The following ZNF684 variants were observed in gnomAD, a reference collection of about 807,000 sequenced individuals.
ZNF684 encodes zinc finger protein 684.
ZNF684 carries 13 observed loss-of-function variants against 12.8 expected under a neutral mutation model. That is an observed-to-expected ratio of 1.02 (90% CI 0.66 to 1.62). ZNF684 has a LOEUF of 1.62. ZNF684 is among the 40% of genes most tolerant of loss of function. ZNF684 has a pLI of 0.00. For missense variants in ZNF684, 384 were observed against 446.9 expected, an observed-to-expected ratio of 0.86 and a Z score of 1.27; for synonymous variants, 118 against 151.8, an observed-to-expected ratio of 0.78 and a Z score of 1.64.
In ZNF684 at chr1:40,541,701, A is replaced by C. The variant is rs537244694; in HGVS notation, c.229A>C (p.Ser77Arg). 6.2e-7 allele frequency: 1 copy of C among 1,612,708 alleles called. No individual in the cohort carries two copies. The highest frequency in any genetic ancestry group is 1.1e-5 in the South Asian group (1 of 90,978). Residue 77 changes from serine (S) to arginine (R), a missense_variant, in exon 4 of 5, where the codon AGC becomes CGC. Physicochemically the swap from Ser to Arg is moderately radical, Grantham distance 110. Transcript: ENST00000372699. ...WMVEGANPHE[S>R]SPESDYPLVD... ...GGTGGAGGGAGCGAATCCACACGAG[A>C]GCTCTCCAGGTGAGTGAGAGAAATT...
rs1382962097 is a variant in ZNF684, at chr1:40,541,612, C to T, written c.143-3C>T. The T allele has an allele frequency of 1.4e-5, 23 of 1,612,200 alleles. No individual in the cohort carries two copies. The highest frequency in any genetic ancestry group is 2.0e-5 in the Non-Finnish European group (23 of 1,178,842). The stretch of plus-strand genomic sequence containing the variant: ...CACTTCTATGCTGTTTTCCCACCAA[C>T]AGGATGTCCAATTACCAAAACAAAA... On this transcript the variant is annotated splice_region_variant and splice_polypyrimidine_tract_variant and intron_variant, in intron 3 of 4. Transcript: ENST00000372699.
At chr1:40,539,667 G>A (rs1646004224) in intron 2 of ZNF684, among the ~76,000 whole-genome samples, 1 of 152,044 alleles carries the variant, frequency 6.6e-6, no homozygotes, top group African/African-American at 2.4e-5. Context: ...GTGAAATGCT[G>A]TCTCATTATG....
intron 4 of ZNF684, among the ~76,000 whole-genome samples, chr1:40,545,915 C>CTTTTTTTTTTTTT (rs55993619): frequency 7.4e-5 from 5 of 67,892 alleles, no homozygotes; most frequent in Non-Finnish European, 1.1e-4. Context: ...GTCTCCTTTT[C>CTTTTTTTTTTTTT]TTTTTTTTTT....
At chr1:40,535,103 A>G (rs1050181215) in intron 2 of ZNF684, among the ~76,000 whole-genome samples, 3 of 152,366 alleles carry the variant, frequency 2.0e-5, no homozygotes, top group African/African-American at 4.8e-5. Context: ...ACAATCATAC[A>G]TTCCAAATGG....
At chr1:40,545,915 C>CTT (rs55993619) in intron 4 of ZNF684, among the ~76,000 whole-genome samples, 470 of 67,918 alleles carry the variant, frequency 6.9e-3, no homozygotes, top group Non-Finnish European at 8.5e-3. Context: ...GTCTCCTTTT[C>CTT]TTTTTTTTTT....
Position 40,547,563 on chromosome 1 carries a change from A to C in ZNF684, c.*103A>C. Reference sequence around the variant, plus strand: ...AAGTCTACAATTTAAATGAATTTGGAAGAGTAGATTCCCATAAAAAACAAC... The same window carrying C: ...AAGTCTACAATTTAAATGAATTTGGCAGAGTAGATTCCCATAAAAAACAAC... On this transcript the variant is annotated 3_prime_UTR_variant, in exon 5 of 5. Coordinates refer to ENST00000372699, the MANE Select transcript of ZNF684 (RefSeq NM_152373.4). The C allele has an allele frequency of 1.8e-6, 2 of 1,129,050 alleles. No individual in the cohort carries two copies. Among genetic ancestry groups the C allele is most frequent in the Non-Finnish European group, 2.4e-6 (2 of 830,006 alleles). 69.9% of individuals were successfully genotyped at this position (1,129,050 alleles called of 1,614,324 possible).
chr1:40,534,236 A>ATTTTTTTTTTTTTTTTTTTTTTTTTTT (rs556340597), intron 2 of ZNF684, among the ~76,000 whole-genome samples: 1 of 102,600 alleles, frequency 9.7e-6, no homozygotes, highest in Non-Finnish European at 1.9e-5. Flanking sequence ...TTTTATTATA[A>ATTTTTTTTTTTTTTTTTTTTTTTTTTT]TTTTTTTTTT....
intron 4 of ZNF684, among the ~76,000 whole-genome samples, chr1:40,543,473 T>C (rs991048646): frequency 9.0e-5 from 13 of 144,450 alleles, no homozygotes; most frequent in East Asian, 2.2e-4. Flanking sequence ...TTTTTTTTTT[T>C]CGAGACAGAG....
chr1:40,541,554 T>G, intron 3 of ZNF684, 61 bp from the exon 4 acceptor site: 2 of 1,371,124 alleles, frequency 1.5e-6, no homozygotes, highest in Non-Finnish European at 2.1e-6. Context: ...TAACCCAAGT[T>G]GTGAGCTGGT....
intron 4 of ZNF684, chr1:40,544,706 C>T (rs7524182): frequency 0.15 from 23,167 of 154,106 alleles, 1,921 homozygotes; most frequent in Middle Eastern, 0.24. Context: ...CTTCAATGCA[C>T]ATTAACATTG....
chr1:40,546,511 C>T (rs1646049394), intron 4 of ZNF684, 51 bp from the exon 5 acceptor site: 1 of 1,472,368 alleles, frequency 6.8e-7, no homozygotes, highest in Non-Finnish European at 9.1e-7. Flanking sequence ...TTCTCTATAG[C>T]ATGTTGATGG....
chr1:40,537,702 T>C (rs1173714641), intron 2 of ZNF684, among the ~76,000 whole-genome samples: 1 of 151,542 alleles, frequency 6.6e-6, no homozygotes, highest in Non-Finnish European at 1.5e-5. Flanking sequence ...AAGATCACAC[T>C]ACTGCACTCC....
intron 2 of ZNF684, among the ~76,000 whole-genome samples, chr1:40,535,596 T>C (rs1238808143): frequency 6.6e-6 from 1 of 151,110 alleles, no homozygotes; most frequent in Non-Finnish European, 1.5e-5. Flanking sequence ...ATAGTTGTTT[T>C]TTTTTTATTT....
chr1:40,533,222 A>C (rs778755381), intron 2 of ZNF684, 41 bp downstream of exon 2: 21 of 1,598,256 alleles, frequency 1.3e-5, no homozygotes, highest in Non-Finnish European at 1.8e-5. Flanking sequence ...TAAATCTCCC[A>C]AAAATCCATA....
At chr1:40,536,871 C>T (rs1490304106) in intron 2 of ZNF684, among the ~76,000 whole-genome samples, 1 of 149,862 alleles carries the variant, frequency 6.7e-6, no homozygotes, top group Non-Finnish European at 1.5e-5. Flanking sequence ...GCATAGTATT[C>T]CATGGTGTAT....
At position 40,541,599 on chromosome 1, in the gene ZNF684, G is replaced by A. The variant is rs754544299; in HGVS notation, c.143-16G>A. The A allele has an allele frequency of 1.9e-6, 3 of 1,610,082 alleles. No homozygotes were observed. Among genetic ancestry groups the A allele is most frequent in the Non-Finnish European group, 1.7e-6 (2 of 1,177,360 alleles). On this transcript the variant is annotated splice_polypyrimidine_tract_variant and intron_variant, in intron 3 of 4. Transcript: ENST00000372699. ...AGCACTTTGGCCCCACTTCTATGCT[G>A]TTTTCCCACCAACAGGATGTCCAAT...
At position 40,547,316 on chromosome 1, in the gene ZNF684, AT is replaced by A; in HGVS notation, c.994del (p.Cys332ValfsTer16). On this transcript the variant is annotated frameshift_variant, in exon 5 of 5. Transcript: ENST00000372699. LOFTEE classifies it low-confidence loss of function (END_TRUNC). ...TGEKPYSCIE[C>X]GKAFIKKSHL... is the part of the protein sequence containing the mutation. ...GAGAGAAACCTTACAGTTGTATTGAATGTGGCAAAGCCTTCATCAAGAAGTC... is the reference window on the plus strand; with the variant it reads ...GAGAGAAACCTTACAGTTGTATTGAAGTGGCAAAGCCTTCATCAAGAAGTC... The A allele has an allele frequency of 6.2e-7, 1 of 1,614,068 alleles. No individual in the cohort carries two copies. Among genetic ancestry groups the A allele is most frequent in the Non-Finnish European group, 8.5e-7 (1 of 1,179,952 alleles).
At chr1:40,538,880 A>G (rs1050919369) in intron 2 of ZNF684, among the ~76,000 whole-genome samples, 4 of 149,434 alleles carry the variant, frequency 2.7e-5, no homozygotes, top group South Asian at 2.1e-4. Context: ...TCTTTTCCAT[A>G]GTTACATGGA....
intron 1 of ZNF684, among the ~76,000 whole-genome samples, chr1:40,532,547 A>T (rs1336527173): frequency 1.3e-5 from 2 of 151,946 alleles, no homozygotes; most frequent in African/African-American, 4.8e-5. Flanking sequence ...TTTGCCCATT[A>T]TACCCTTTCT....
Sources: gnomAD v4.1 joint callset for allele counts (sites outside exome capture counted in the v4.1 genomes callset) on GRCh38, gnomAD v4.1.1 for gene constraint, MANE v1.5 for transcripts, NCBI Gene and HGNC (gene_info 2026-07-23, HGNC 2026-07-21) for gene names.